The following PRKAR1B variants were observed in gnomAD, a reference collection of about 807,000 sequenced individuals.
PRKAR1B encodes the protein cAMP-dependent protein kinase type I-beta regulatory subunit.
PRKAR1B carries 22 observed loss-of-function variants against 46.5 expected under a neutral mutation model. The ratio of observed to expected loss-of-function variants is 0.47; its 90% confidence interval spans 0.34 to 0.68. The LOEUF is 0.68. Among genes scored for constraint, PRKAR1B ranks in the 30% least tolerant of loss-of-function variants. The pLI is 0.01. For missense variants in PRKAR1B, 445 were observed against 535.6 expected, an observed-to-expected ratio of 0.83 and a Z score of 1.67; for synonymous variants, 259 against 217.7, an observed-to-expected ratio of 1.19 and a Z score of -1.67.
chr7:680,304 C>T (rs556580915), intron 3 of PRKAR1B, among the ~76,000 whole-genome samples: 9 of 152,270 alleles, frequency 5.9e-5, no homozygotes, highest in South Asian at 2.1e-4. Flanking sequence ...AACCTAAGGC[C>T]GCCATGGGGC....
In PRKAR1B at chr7:685,296, ATATATATATACGTATATATACG is replaced by A. The variant is rs1778980924; in HGVS notation, c.178-4592_178-4571del. Among the ~76,000 whole-genome samples the A allele has an allele frequency of 7.8e-4, 5 of 6,388 alleles. 1 individual carries two copies. The highest frequency in any genetic ancestry group is 1.5e-3 in the African/African-American group (1 of 664). The allele number at this position is 6,388 out of a possible 152,430, so 4.2% of individuals were successfully genotyped here. On this transcript the variant is annotated intron_variant, in intron 2 of 10. Transcript: ENST00000537384. ...TATATATACGTATATATATGTATAC[ATATATATATACGTATATATACG>A]TATATATACGTATATATACGTATAT...
chr7:712,492 G>A (rs1583453919), intron 1 of PRKAR1B: 2 of 147,396 alleles, frequency 1.4e-5, no homozygotes, highest in South Asian at 2.1e-4. Flanking sequence ...GCGAGCGAGC[G>A]GGTCCCCGCA....
At chr7:688,025 G>A (rs1779188551) in intron 2 of PRKAR1B, among the ~76,000 whole-genome samples, 1 of 150,786 alleles carries the variant, frequency 6.6e-6, no homozygotes, top group Non-Finnish European at 1.5e-5. Context: ...GAACCCAGGA[G>A]GGAGAGGTTG....
At chr7:630,147 G>A (rs1004481037) in intron 4 of PRKAR1B, among the ~76,000 whole-genome samples, 5 of 152,362 alleles carry the variant, frequency 3.3e-5, no homozygotes, top group Admixed American at 2.6e-4. Flanking sequence ...GAAGTGGAGC[G>A]CAGTGGAAGA....
chr7:682,911 G>T (rs1778775650), intron 2 of PRKAR1B, among the ~76,000 whole-genome samples: 1 of 152,088 alleles, frequency 6.6e-6, no homozygotes, highest in Non-Finnish European at 1.5e-5. Context: ...CCCTCACACA[G>T]ATCAGGCACA....
At chr7:671,123 G>A (rs1786230401) in intron 4 of PRKAR1B, among the ~76,000 whole-genome samples, 1 of 152,180 alleles carries the variant, frequency 6.6e-6, no homozygotes, top group Non-Finnish European at 1.5e-5. Flanking sequence ...GAGGACTTGA[G>A]GGTTTCTAAA....
At chr7:726,731 T>TG in intron 1 of PRKAR1B, 2 of 1,239,902 alleles carry the variant, frequency 1.6e-6, no homozygotes, top group Non-Finnish European at 2.0e-6. Flanking sequence ...ATGGCGGCGC[T>TG]GGGGGTGGCG....
chr7:721,648 C>G (rs1283375518), intron 1 of PRKAR1B, among the ~76,000 whole-genome samples: 1 of 145,708 alleles, frequency 6.9e-6, no homozygotes, highest in African/African-American at 2.5e-5. Context: ...AATTCCGTCT[C>G]AAAAAAAAAA....
intron 9 of PRKAR1B, among the ~76,000 whole-genome samples, chr7:552,368 C>T (rs927366593): frequency 1.4e-3 from 163 of 118,076 alleles, no homozygotes; most frequent in Non-Finnish European, 1.9e-3. Context: ...CCCAAACCCC[C>T]ACCTCCCGCC....
chr7:642,500 C>T (rs1334850940), intron 4 of PRKAR1B, among the ~76,000 whole-genome samples: 1 of 152,058 alleles, frequency 6.6e-6, no homozygotes, highest in East Asian at 1.9e-4. Context: ...CCGAGGCGGG[C>T]GGATCACGAG....
At chr7:717,293 AAAAG>A (rs1017406000) in intron 1 of PRKAR1B, among the ~76,000 whole-genome samples, 36 of 150,186 alleles carry the variant, frequency 2.4e-4, no homozygotes, top group Admixed American at 3.3e-4. Flanking sequence ...CAGTCTCAAA[AAAAG>A]AAAGAAAGAA....
intron 4 of PRKAR1B, among the ~76,000 whole-genome samples, chr7:656,933 A>ATGAG (rs1304097744): frequency 6.6e-6 from 1 of 151,700 alleles, no homozygotes; most frequent in Non-Finnish European, 1.5e-5. Context: ...GAATGAATGA[A>ATGAG]TGAGTGAACG....
intron 1 of PRKAR1B, among the ~76,000 whole-genome samples, chr7:719,459 G>A (rs1780998501): frequency 6.6e-6 from 1 of 152,198 alleles, no homozygotes; most frequent in Admixed American, 6.5e-5. Context: ...GACTACAGGT[G>A]TGAGTCACTG....
At chr7:678,945 A>T (rs1332631453) in intron 3 of PRKAR1B, among the ~76,000 whole-genome samples, 1 of 152,050 alleles carries the variant, frequency 6.6e-6, no homozygotes, top group Non-Finnish European at 1.5e-5. Context: ...AAAATTAGCC[A>T]GGCATGATGA....
At chr7:723,396 A>C (rs1313216946) in intron 1 of PRKAR1B, among the ~76,000 whole-genome samples, 1 of 152,072 alleles carries the variant, frequency 6.6e-6, no homozygotes, top group African/African-American at 2.4e-5. Context: ...TTCCCTGGGG[A>C]CTAGTGCAGG....
intron 4 of PRKAR1B, among the ~76,000 whole-genome samples, chr7:641,850 TA>T (rs1317769824): frequency 6.6e-6 from 1 of 152,054 alleles, no homozygotes; most frequent in East Asian, 1.9e-4. Context: ...CACTATTTTT[TA>T]TTTATTTTTA....
intron 4 of PRKAR1B, among the ~76,000 whole-genome samples, chr7:658,085 C>T (rs1435379026): frequency 6.6e-6 from 1 of 152,078 alleles, no homozygotes; most frequent in African/African-American, 2.4e-5. Flanking sequence ...AATGTGCTAC[C>T]CCAACCTCAC....
At chr7:582,267 C>T (rs759709858) in intron 8 of PRKAR1B, among the ~76,000 whole-genome samples, 5 of 152,258 alleles carry the variant, frequency 3.3e-5, no homozygotes, top group Non-Finnish European at 5.9e-5. Context: ...GGGCCGAGCC[C>T]TGCGCGTTCA....
rs567393365 is a variant in PRKAR1B, at chr7:550,688, G to A, written c.974-86C>T. The A allele has an allele frequency of 5.7e-4, 685 of 1,206,270 alleles. 4 individuals carry two copies. In the African/African-American group the frequency reaches 8.4e-3, roughly 15 times the overall value. The allele number at this position is 1,206,270 out of a possible 1,614,324, so 74.7% of individuals were successfully genotyped here. A position where few individuals can be genotyped will look rare whatever the true frequency, so the allele number is the denominator to read the frequency against. Reference sequence around the variant, plus strand: ...AGATTATGTCCAGGACCCTGGAAGCGGCTCCCTTTTAAGGATAGGATGTGC... The same window carrying A: ...AGATTATGTCCAGGACCCTGGAAGCAGCTCCCTTTTAAGGATAGGATGTGC... On this transcript the variant is annotated intron_variant, in intron 10 of 10. Coordinates refer to ENST00000537384, the MANE Select transcript of PRKAR1B (RefSeq NM_001164760.2).
Sources: allele counts gnomAD v4.1 joint callset (sites outside exome capture counted in the v4.1 genomes callset), GRCh38; gene constraint gnomAD v4.1.1; transcripts MANE v1.5; gene names NCBI Gene and HGNC (gene_info 2026-07-23, HGNC 2026-07-21).